The following UFSP2 variants were observed in gnomAD, a reference collection of about 807,000 sequenced individuals.
The protein encoded by UFSP2 is UFM1 specific peptidase 2, also known as ufm1-specific protease 2.
A neutral mutation model predicts 60.2 loss-of-function variants in UFSP2; 43 were observed. The ratio of observed to expected loss-of-function variants is 0.71; its 90% confidence interval spans 0.56 to 0.92. The LOEUF is 0.92. Among genes scored for constraint, UFSP2 ranks in the 40% least tolerant of loss-of-function variants. The pLI is 0.00. For missense variants in UFSP2, 520 were observed against 575.0 expected (o/e 0.90, Z 0.98); for synonymous variants, 183 against 195.1 (o/e 0.94, Z 0.52).
intron 4 of UFSP2, among the ~76,000 whole-genome samples, chr4:185,416,423 T>G (rs1021790694): frequency 3.9e-5 from 6 of 152,220 alleles, no homozygotes; most frequent in Non-Finnish European, 8.8e-5. Context: ...AATACTGAAC[T>G]CTACTTTGTA....
chr4:185,409,650 T>A (rs1388796406), intron 7 of UFSP2, among the ~76,000 whole-genome samples: 10 of 152,126 alleles, frequency 6.6e-5, no homozygotes, highest in African/African-American at 9.7e-5. Flanking sequence ...TCCCAAAAGG[T>A]ATGTATGTCC....
In UFSP2 at chr4:185,408,399, AATG is replaced by A. The variant is rs1281533694; in HGVS notation, c.865_867del (p.His289del). On this transcript the variant is annotated inframe_deletion, in exon 8 of 12. Coordinates refer to ENST00000264689, the MANE Select transcript of UFSP2 (RefSeq NM_018359.5). ...TTGTCATCTATGCGATCCTGCATATAATGATGATAGCCATATATGCCCTGGACC... is the reference window on the plus strand; with the variant it reads ...TTGTCATCTATGCGATCCTGCATATAATGATAGCCATATATGCCCTGGACC... 13 of 1,614,066 alleles carry A rather than the reference AATG, an allele frequency of 8.1e-6. No homozygotes were observed. The Admixed American group carries it at 1.3e-4, about 17-fold the overall frequency.
intron 7 of UFSP2, among the ~76,000 whole-genome samples, chr4:185,413,489 C>T (rs1425603849): frequency 6.6e-6 from 1 of 152,138 alleles, no homozygotes; most frequent in Non-Finnish European, 1.5e-5. Context: ...TGGGACAAGC[C>T]TTTAAAGAAA....
intron 4 of UFSP2, among the ~76,000 whole-genome samples, chr4:185,417,945 G>A (rs893574223): frequency 2.6e-5 from 4 of 151,916 alleles, no homozygotes; most frequent in Non-Finnish European, 4.4e-5. Context: ...TCAGGAGGCC[G>A]AGGCAGGAGA....
rs375980105 is a variant in UFSP2 at position 185,408,022 on chromosome 4, G to A, written c.1035C>T (p.Val345=). Residue 345 remains valine, a synonymous_variant, in exon 9 of 12, where the codon GTC becomes GTT. Coordinates refer to ENST00000264689, the MANE Select transcript of UFSP2 (RefSeq NM_018359.5). ...TAGATCCAATCCATTGCCGCGATCC[G>A]ACAAATGTTGCTGGTTTGTCCCCGG... ...VDAGDKPATF[V]GSRQWIGSIE... is the part of the protein sequence containing the mutation. 1.0e-4 allele frequency: 166 copies of A among 1,613,808 alleles called. No homozygotes were observed. The highest frequency in any genetic ancestry group is 6.4e-4 in the African/African-American group (48 of 75,022).
At chr4:185,400,562 C>T in intron 11 of UFSP2, 84 bp from the exon 12 acceptor site, 2 of 995,576 alleles carry the variant, frequency 2.0e-6, no homozygotes, top group Non-Finnish European at 3.1e-6. Context: ...GCTCTGTCAG[C>T]AGGACCTTGG....
At chr4:185,405,911 A>G in intron 9 of UFSP2, 55 bp from the exon 10 acceptor site, 1 of 1,613,144 alleles carries the variant, frequency 6.2e-7, no homozygotes. Flanking sequence ...ACGGTCAAAT[A>G]ATGAGCTAGG....
intron 1 of UFSP2, 119 bp from the exon 2 acceptor site, chr4:185,422,682 T>G: frequency 1.4e-6 from 1 of 727,234 alleles, no homozygotes; most frequent in Non-Finnish European, 2.2e-6. Flanking sequence ...TTCAAATTAT[T>G]TCATGAGTTA....
chr4:185,425,581 AG>A (rs1025001795), intron 1 of UFSP2, among the ~76,000 whole-genome samples: 4 of 152,234 alleles, frequency 2.6e-5, no homozygotes, highest in Admixed American at 6.5e-5. Context: ...CCTTCTTGCA[AG>A]GCTTCAAAAA....
chr4:185,403,976 AAC>A (rs1290041561), intron 10 of UFSP2, among the ~76,000 whole-genome samples: 4 of 133,494 alleles, frequency 3.0e-5, no homozygotes, highest in Admixed American at 2.1e-4. Context: ...CAAAAAAAAA[AAC>A]AAAAAAAAAC....
At chr4:185,404,730 T>G (rs2126878921) in intron 10 of UFSP2, among the ~76,000 whole-genome samples, 1 of 152,016 alleles carries the variant, frequency 6.6e-6, no homozygotes, top group African/African-American at 2.4e-5. Flanking sequence ...GGATTACAGG[T>G]GTGTGCCACC....
chr4:185,418,816 C>CA (rs1199009668), intron 2 of UFSP2, 46 bp from the exon 3 acceptor site: 1 of 1,447,602 alleles, frequency 6.9e-7, no homozygotes. Flanking sequence ...ACAAATTTTT[C>CA]AACATGAATG....
At chr4:185,418,912 T>A in intron 2 of UFSP2, 142 bp from the exon 3 acceptor site, 1 of 645,652 alleles carries the variant, frequency 1.5e-6, no homozygotes, top group Non-Finnish European at 2.4e-6. Flanking sequence ...ATTTTTTGCC[T>A]ATCTTTTTAA....
In UFSP2 at chr4:185,413,800, C is replaced by G. The variant is rs1249529313; in HGVS notation, c.757G>C (p.Asp253His). ...FKRSNAYHFP[D>H]EPYKDGYIRN... The stretch of plus-strand genomic sequence containing the variant: ...ATGTAACCATCTTTGTATGGCTCAT[C>G]TGGAAAGTGATAAGCATTAGACCTT... Residue 253 changes from aspartate (D) to histidine (H), a missense_variant, in exon 7 of 12, where the codon GAT (aspartate) becomes CAT (histidine). Transcript: ENST00000264689. The G allele has an allele frequency of 1.9e-6, 3 of 1,613,396 alleles. No individual in the cohort carries two copies. The highest frequency in any genetic ancestry group is 2.5e-6 in the Non-Finnish European group (3 of 1,179,694).
intron 11 of UFSP2, 60 bp downstream of exon 11, chr4:185,403,434 T>C (rs964795188): frequency 5.7e-6 from 9 of 1,586,212 alleles, no homozygotes; most frequent in Non-Finnish European, 7.7e-6. Flanking sequence ...AGCCAGTTTG[T>C]GATCCTTCAT....
intron 11 of UFSP2, 72 bp downstream of exon 11, chr4:185,403,422 C>A: frequency 6.4e-7 from 1 of 1,564,340 alleles, no homozygotes; most frequent in Non-Finnish European, 8.7e-7. Context: ...CTTTCTGTTA[C>A]CAGCCAGTTT....
chr4:185,405,937 C>T (rs2095519828), intron 9 of UFSP2, 81 bp from the exon 10 acceptor site: 1 of 1,607,052 alleles, frequency 6.2e-7, no homozygotes. Context: ...ATGTTTCCTA[C>T]TTTCTTGTTT....
intron 5 of UFSP2, 78 bp from the exon 6 acceptor site, chr4:185,415,425 C>T (rs2095536815): frequency 7.8e-7 from 1 of 1,284,754 alleles, no homozygotes; most frequent in South Asian, 1.7e-5. Flanking sequence ...CTAATATATC[C>T]TTAGTATAGT....
Position 185,422,500 on chromosome 4 carries a change from G to C in UFSP2, c.67C>G (p.Leu23Val), listed in dbSNP as rs2095551254. Residue 23 changes from leucine to valine, a missense_variant, in exon 2 of 12, where the codon CTA becomes GTA. Physicochemically the swap from Leu to Val is conservative, Grantham distance 32. Transcript: ENST00000264689. ...IRGGLDLAFQ[L>V]ATPNEIFLKK... Reference sequence around the variant, plus strand: ...GAAGACCTACCATTAGGAGTAGCTAGCTGAAAAGCCAAATCAAGGCCTCCT... The same window carrying C: ...GAAGACCTACCATTAGGAGTAGCTACCTGAAAAGCCAAATCAAGGCCTCCT... 1.2e-6 allele frequency: 2 copies of C among 1,611,124 alleles called. No individual in the cohort carries two copies. Among genetic ancestry groups the C allele is most frequent in the Admixed American group, 3.4e-5 (2 of 59,158 alleles).
Sources: gnomAD v4.1 joint callset for allele counts (sites outside exome capture counted in the v4.1 genomes callset) on GRCh38, gnomAD v4.1.1 for gene constraint, MANE v1.5 for transcripts, NCBI Gene and HGNC (gene_info 2026-07-23, HGNC 2026-07-21) for gene names.